STK32B: variants seen among roughly 807,000 people sequenced by gnomAD.
The protein encoded by STK32B is serine/threonine kinase 32B.
In STK32B, 43 loss-of-function variants were observed where a neutral mutation model predicts 52.6. That is an observed-to-expected ratio of 0.82 (90% CI 0.64 to 1.05). The LOEUF is 1.05. Ranked by LOEUF, STK32B falls within the 50% of genes least tolerant of loss-of-function variation. The pLI is 0.00. For missense variants in STK32B, 621 were observed against 534.6 expected, an observed-to-expected ratio of 1.16 and a Z score of -1.59; for synonymous variants, 238 against 204.3, an observed-to-expected ratio of 1.17 and a Z score of -1.41.
chr4:5,227,119 A>G (rs1723927105), intron 3 of STK32B, among the ~76,000 whole-genome samples: 1 of 152,220 alleles, frequency 6.6e-6, no homozygotes, highest in Non-Finnish European at 1.5e-5. Context: ...TGACAGATAC[A>G]TAGTTGAAGA....
intron 3 of STK32B, among the ~76,000 whole-genome samples, chr4:5,211,247 A>T (rs188528677): frequency 6.6e-6 from 1 of 152,342 alleles, no homozygotes; most frequent in East Asian, 1.9e-4. Context: ...TTCCACAAAT[A>T]CACATTACTC....
intron 11 of STK32B, among the ~76,000 whole-genome samples, chr4:5,491,158 C>T (rs1284970280): frequency 3.3e-5 from 5 of 152,202 alleles, no homozygotes; most frequent in African/African-American, 1.2e-4. Context: ...CACTGACTTC[C>T]ACAATGGTTG....
intron 3 of STK32B, among the ~76,000 whole-genome samples, chr4:5,230,687 C>T (rs1724202878): frequency 6.6e-6 from 1 of 152,188 alleles, no homozygotes; most frequent in South Asian, 2.1e-4. Context: ...ACACTTTGGG[C>T]TGGAGATGTG....
intron 11 of STK32B, among the ~76,000 whole-genome samples, chr4:5,481,747 G>A (rs1718731743): frequency 6.6e-6 from 1 of 152,134 alleles, no homozygotes; most frequent in African/African-American, 2.4e-5. Context: ...AATCCATCTT[G>A]AATTAATTTT....
chr4:5,414,518 A>G (rs1711992992), intron 5 of STK32B, among the ~76,000 whole-genome samples: 1 of 152,340 alleles, frequency 6.6e-6, no homozygotes, highest in South Asian at 2.1e-4. Context: ...TGTGGATGTC[A>G]TAGATAGACC....
rs73084022 is a variant in STK32B at position 5,268,964 on chromosome 4, C to G, written c.261-62256C>G. Among the ~76,000 whole-genome samples the G allele has an allele frequency of 3.7e-3, 570 of 152,050 alleles. 2 individuals carry two copies. Among genetic ancestry groups the G allele is most frequent in the Middle Eastern group, 0.017 (5 of 294 alleles). ...GTAAAAGATGGGAGCTTTAGGATACCCCACATTACTGACTTGAGGGAGTTT... is the reference window on the plus strand; with the variant it reads ...GTAAAAGATGGGAGCTTTAGGATACGCCACATTACTGACTTGAGGGAGTTT... On this transcript the variant is annotated intron_variant, in intron 3 of 11. Coordinates refer to ENST00000282908, the MANE Select transcript of STK32B (RefSeq NM_018401.3).
intron 4 of STK32B, among the ~76,000 whole-genome samples, chr4:5,358,191 G>A (rs75408688): frequency 6.6e-6 from 1 of 152,194 alleles, no homozygotes. Flanking sequence ...GCAATTGGGT[G>A]GAGAGTGTTT....
At chr4:5,252,098 A>C (rs1725974831) in intron 3 of STK32B, among the ~76,000 whole-genome samples, 1 of 152,204 alleles carries the variant, frequency 6.6e-6, no homozygotes, top group South Asian at 2.1e-4. Context: ...ACAACCCCCC[A>C]TCAGATGTCT....
rs1420976391 is a variant in STK32B at position 5,398,165 on chromosome 4, G to A, written c.435-42G>A. On this transcript the variant is annotated intron_variant, in intron 4 of 11. Coordinates refer to ENST00000282908, the MANE Select transcript of STK32B (RefSeq NM_018401.3). The surrounding 1 kb of genome is among the most constrained non-coding windows in gnomAD (Gnocchi z 4.9). ...TGCTTGTCTATGTGCTCATCTGTGG[G>A]CTCAGGAACCACATTGCCAGCTTCT... 1.2e-6 allele frequency: 2 copies of A among 1,611,726 alleles called. No individual in the cohort carries two copies. Among genetic ancestry groups the A allele is most frequent in the Non-Finnish European group, 1.7e-6 (2 of 1,178,804 alleles).
rs754865541 is a variant in STK32B, at chr4:5,456,789, G to A, written c.667-18G>A. On this transcript the variant is annotated intron_variant, in intron 7 of 11. Transcript: ENST00000282908. ...AATGGCTCTCTCTCTGATTCTGGCT[G>A]TTGTTCTTTGATTGCAGAGGCCGTA... The A allele has an allele frequency of 6.4e-6, 10 of 1,553,158 alleles. 1 individual carries two copies. In the Middle Eastern group the frequency reaches 5.1e-4, roughly 79 times the overall value.
At chr4:5,231,022 T>C (rs1257075066) in intron 3 of STK32B, among the ~76,000 whole-genome samples, 3 of 152,174 alleles carry the variant, frequency 2.0e-5, no homozygotes, top group Non-Finnish European at 4.4e-5. Context: ...CCTGCAGACG[T>C]AGGTATGGCT....
intron 3 of STK32B, among the ~76,000 whole-genome samples, chr4:5,247,591 G>A (rs1725553370): frequency 1.3e-5 from 2 of 152,164 alleles, no homozygotes; most frequent in African/African-American, 2.4e-5. Flanking sequence ...TGCACCCACT[G>A]TCCGGCGCTT....
At chr4:5,235,558 G>C (rs1475685558) in intron 3 of STK32B, among the ~76,000 whole-genome samples, 1 of 152,174 alleles carries the variant, frequency 6.6e-6, no homozygotes, top group East Asian at 1.9e-4. Context: ...TCAGATAATA[G>C]AAAGTTACAC....
intron 9 of STK32B, among the ~76,000 whole-genome samples, chr4:5,462,272 G>T (rs1365232760): frequency 6.6e-6 from 1 of 150,792 alleles, no homozygotes; most frequent in African/African-American, 2.4e-5. Context: ...GTCTGTATGT[G>T]TGTGTGTGTA....
At chr4:5,297,315 T>A (rs188241473) in intron 3 of STK32B, among the ~76,000 whole-genome samples, 1 of 152,324 alleles carries the variant, frequency 6.6e-6, no homozygotes, top group East Asian at 1.9e-4. Context: ...TGAATTTGAA[T>A]GTTGGCCTGT....
intron 4 of STK32B, among the ~76,000 whole-genome samples, chr4:5,336,858 G>A (rs1351655868): frequency 2.6e-5 from 4 of 152,180 alleles, no homozygotes; most frequent in African/African-American, 7.2e-5. Flanking sequence ...CGAAGGGCAC[G>A]GAGCAATGGC....
At chr4:5,361,789 G>A (rs1734565558) in intron 4 of STK32B, among the ~76,000 whole-genome samples, 1 of 152,214 alleles carries the variant, frequency 6.6e-6, no homozygotes, top group African/African-American at 2.4e-5. Context: ...GAAAGCAATG[G>A]TGTACTCTGG....
chr4:5,040,787 A>G, the STK32B span, among the ~76,000 whole-genome samples: 1 of 152,104 alleles, frequency 6.6e-6, no homozygotes, highest in Non-Finnish European at 1.5e-5. Context: ...ATGGTCTGAG[A>G]TATGCGTTGT....
intron 11 of STK32B, among the ~76,000 whole-genome samples, chr4:5,489,663 C>G (rs1472797832): frequency 6.6e-6 from 1 of 151,138 alleles, no homozygotes; most frequent in African/African-American, 2.4e-5. Flanking sequence ...GCTTTCTCAC[C>G]AGGCTGGAGT....
Sources: allele counts gnomAD v4.1 joint callset (sites outside exome capture counted in the v4.1 genomes callset), GRCh38; gene constraint gnomAD v4.1.1; non-coding constraint Gnocchi (gnomAD v3.1); transcripts MANE v1.5; gene names NCBI Gene and HGNC (gene_info 2026-07-23, HGNC 2026-07-21).